Variants in KLC1 observed in about 807,000 individuals in gnomAD.
KLC1 encodes kinesin 2 60/70kDa.
Under a neutral mutation model 84.2 loss-of-function variants are expected in KLC1, and 30 were observed. The ratio of observed to expected loss-of-function variants is 0.36; its 90% confidence interval spans 0.27 to 0.48. KLC1 has a LOEUF of 0.48. KLC1 is among the 20% of genes least tolerant of loss of function. The pLI, the probability that KLC1 is intolerant of heterozygous loss-of-function variation, is 0.99. For missense variants in KLC1, 499 were observed against 805.4 expected (o/e 0.62, Z 4.60); for synonymous variants, 289 against 293.3 (o/e 0.99, Z 0.15).
chr14:103,630,726 A>G (rs1445989451), intron 1 of KLC1, among the ~76,000 whole-genome samples: 1 of 152,200 alleles, frequency 6.6e-6, no homozygotes, highest in Non-Finnish European at 1.5e-5. Flanking sequence ...TCTGTTTCCT[A>G]AATATTTGTA....
At chr14:103,696,484 A>G (rs543663034) in intron 15 of KLC1, 5 of 985,196 alleles carry the variant, frequency 5.1e-6, no homozygotes, top group East Asian at 1.1e-4. Context: ...GTTACAATGT[A>G]TAACAGGTTT....
At chr14:103,653,029 T>C (rs1229254262) in intron 1 of KLC1, among the ~76,000 whole-genome samples, 2 of 152,250 alleles carry the variant, frequency 1.3e-5, no homozygotes, top group Non-Finnish European at 2.9e-5. Flanking sequence ...TCAGCTTTTC[T>C]TCCCTTCATG....
At position 103,641,201 on chromosome 14, in the gene KLC1, G is replaced by A. The variant is rs75268860; in HGVS notation, c.-2+11707G>A. Among the ~76,000 whole-genome samples, 517 of 152,274 alleles carry A rather than the reference G, an allele frequency of 3.4e-3. 13 individuals carry two copies. The East Asian group carries it at 0.063, about 18-fold the overall frequency. On this transcript the variant is annotated intron_variant, in intron 1 of 16. Coordinates refer to ENST00000334553, the MANE Select transcript of KLC1 (RefSeq NM_001394837.1). ...CGGCCTCCCAGTGTTGGGATCACAG[G>A]TGTGAGTCACTGTGCCCAGCCTGGT...
chr14:103,647,888 A>AAG (rs1378285851), intron 1 of KLC1, among the ~76,000 whole-genome samples: 2 of 151,972 alleles, frequency 1.3e-5, no homozygotes, highest in Admixed American at 6.6e-5. Context: ...AAAAAAAAAA[A>AAG]AGAATAGCAT....
Position 103,700,709 on chromosome 14 carries a change from G to A in KLC1, c.1903G>A (p.Gly635Arg), listed in dbSNP as rs747613198. The change falls in exon 16 of 17, where the codon GGA (glycine) becomes AGA (arginine). Residue 635 changes from glycine (G) to arginine (R), a missense_variant. Physicochemically the swap from Gly to Arg is moderately radical, Grantham distance 125. This residue lies in a region of KLC1 where 167 missense variants were observed against 208.8 expected (regional missense o/e 0.80). Coordinates refer to ENST00000334553, the MANE Select transcript of KLC1 (RefSeq NM_001394837.1). ...AAAACGACAGCAGCAGCAGTGGCCT[G>A]GAAGACGCCACCGCTAACGTGAGTC... ...CGKRQQQQWPGRRHR is the reference protein window; with the variant it reads ...CGKRQQQQWPRRRHR The A allele has an allele frequency of 1.2e-6, 2 of 1,602,926 alleles. No homozygotes were observed. Among genetic ancestry groups the A allele is most frequent in the Non-Finnish European group, 1.7e-6 (2 of 1,175,634 alleles).
Position 103,669,517 on chromosome 14 carries a change from G to A in KLC1, c.804G>A (p.Gln268=), listed in dbSNP as rs1458315892. 1 of 1,600,058 alleles carries A rather than the reference G, an allele frequency of 6.2e-7. No homozygotes were observed. The change falls in exon 6 of 17, where the codon CAG becomes CAA. Residue 268 remains glutamine, a synonymous_variant. Transcript: ENST00000334553. ...TGTGTGTTTTTCCATTTAGGGATCAGAATAAATACAAAGATGCAGCTAACC... is the reference window on the plus strand; with the variant it reads ...TGTGTGTTTTTCCATTTAGGGATCAAAATAAATACAAAGATGCAGCTAACC... ...LNILALVYRD[Q]NKYKDAANLL... is the part of the protein sequence containing the mutation.
chr14:103,696,165 G>A (rs1283539017), intron 15 of KLC1: 9 of 979,434 alleles, frequency 9.2e-6, no homozygotes, highest in African/African-American at 1.8e-5. Context: ...GCATGGGAGC[G>A]TCTGGATCTG....
intron 4 of KLC1, 135 bp downstream of exon 4, chr14:103,662,329 CT>C (rs1289829666): frequency 1.3e-6 from 1 of 750,654 alleles, no homozygotes. Flanking sequence ...GCGGGGTTGC[CT>C]TTGGTTTTCC....
chr14:103,629,364 A>T lies in KLC1; in HGVS notation c.-132A>T, dbSNP rs1054080. The stretch of plus-strand genomic sequence containing the variant: ...GCGGGGCGGTAGCTCCGGCGCCCCT[A>T]GCTGGTGACTGCTGCGCCGTGCCTC... On this transcript the variant is annotated 5_prime_UTR_variant, in exon 1 of 17. Coordinates refer to ENST00000334553, the MANE Select transcript of KLC1 (RefSeq NM_001394837.1). The T allele has an allele frequency of 6.6e-6, 1 of 152,038 alleles. No individual in the cohort carries two copies. The highest frequency in any genetic ancestry group is 1.9e-4 in the East Asian group (1 of 5,136). 9.4% of individuals were successfully genotyped at this position (152,038 alleles called of 1,614,324 possible).
chr14:103,674,846 A>G (rs1655795873), intron 9 of KLC1, among the ~76,000 whole-genome samples: 1 of 152,156 alleles, frequency 6.6e-6, no homozygotes, highest in Non-Finnish European at 1.5e-5. Flanking sequence ...CATTTTAGAA[A>G]TTACATTCCA....
chr14:103,672,555 A>G (rs2080491815), intron 7 of KLC1, among the ~76,000 whole-genome samples: 1 of 152,206 alleles, frequency 6.6e-6, no homozygotes, highest in Non-Finnish European at 1.5e-5. Context: ...TTTGAGGGGA[A>G]CTGAGGAGAA....
chr14:103,680,998 T>G (rs1258721682), intron 13 of KLC1, among the ~76,000 whole-genome samples: 1 of 152,178 alleles, frequency 6.6e-6, no homozygotes, highest in African/African-American at 2.4e-5. Context: ...TGCAGGGGGT[T>G]CGTGGGCAGG....
chr14:103,700,638 C>G lies in KLC1; in HGVS notation c.1849-17C>G, dbSNP rs1183415656. 1.9e-6 allele frequency: 3 copies of G among 1,602,980 alleles called. No homozygotes were observed. Among genetic ancestry groups the G allele is most frequent in the Admixed American group, 1.7e-5 (1 of 58,480 alleles). On this transcript the variant is annotated splice_polypyrimidine_tract_variant and intron_variant, in intron 15 of 16. Transcript: ENST00000334553. ...CCTGCACGCCCTGAGTGAAACTCGT[C>G]TGTGCTTCATCTCCAGGGCGTCTCT...
chr14:103,690,606 TC>T (rs1196200356), intron 14 of KLC1, among the ~76,000 whole-genome samples: 13 of 145,598 alleles, frequency 8.9e-5, no homozygotes, highest in Admixed American at 8.4e-4. Context: ...TCCTTGGCTT[TC>T]CCAGGAACTG....
chr14:103,639,839 G>A (rs1410444856), intron 1 of KLC1, among the ~76,000 whole-genome samples: 3 of 151,366 alleles, frequency 2.0e-5, no homozygotes, highest in Non-Finnish European at 4.4e-5. Context: ...TTTCACTGCA[G>A]CCTTGATTTC....
At chr14:103,700,169 T>G in intron 15 of KLC1, 1 of 204,932 alleles carries the variant, frequency 4.9e-6, no homozygotes, top group Non-Finnish European at 1.0e-5. Context: ...GGGGTCAGGA[T>G]GGGGCTGTAG....
At chr14:103,668,367 A>G (rs1282969896) in intron 5 of KLC1, among the ~76,000 whole-genome samples, 1 of 152,210 alleles carries the variant, frequency 6.6e-6, no homozygotes, top group African/African-American at 2.4e-5. Flanking sequence ...TGGGAAGGTT[A>G]AGTTCAGAAG....
chr14:103,675,489 A>T (rs1050525017), intron 9 of KLC1, 63 bp from the exon 10 acceptor site: 23 of 1,399,646 alleles, frequency 1.6e-5, no homozygotes, highest in Middle Eastern at 2.5e-4. Context: ...CCCTTAGAGC[A>T]GTTCAGATTT....
At chr14:103,673,452 T>G in intron 9 of KLC1, 21 bp downstream of exon 9, 4 of 1,427,216 alleles carry the variant, frequency 2.8e-6, no homozygotes, top group Non-Finnish European at 3.9e-6. Flanking sequence ...TACTCCCGTT[T>G]CAAGTGAATT....
Sources: gnomAD v4.1 joint callset for allele counts (sites outside exome capture counted in the v4.1 genomes callset) on GRCh38, gnomAD v4.1.1 for gene constraint, gnomAD v4.1.1 regional missense constraint, MANE v1.5 for transcripts, NCBI Gene and HGNC (gene_info 2026-07-23, HGNC 2026-07-21) for gene names.